The following CDH12 variants were observed in gnomAD, a reference collection of about 807,000 sequenced individuals.
The protein encoded by CDH12 is cadherin 12, also known as cadherin-12.
Under a neutral mutation model 74.1 loss-of-function variants are expected in CDH12, and 41 were observed. The observed-to-expected ratio is 0.55, with a 90% CI of 0.43 to 0.72. The LOEUF (loss-of-function observed/expected upper bound fraction) is 0.72, where lower values mean the gene tolerates loss of function less well. Among genes scored for constraint, CDH12 ranks in the 30% least tolerant of loss-of-function variants. The pLI is 0.00. For synonymous variants in CDH12, 399 were observed against 355.0 expected, an observed-to-expected ratio of 1.12 and a Z score of -1.39; for missense variants, 945 against 977.2, an observed-to-expected ratio of 0.97 and a Z score of 0.44.
At chr5:22,667,712 T>G (rs1202910825) in intron 1 of CDH12, among the ~76,000 whole-genome samples, 1 of 152,238 alleles carries the variant, frequency 6.6e-6, no homozygotes, top group African/African-American at 2.4e-5. Context: ...CCCTCCAGTG[T>G]AATGGTTAAA....
intron 3 of CDH12, among the ~76,000 whole-genome samples, chr5:22,306,634 G>A (rs2150424123): frequency 6.6e-6 from 1 of 152,128 alleles, no homozygotes; most frequent in African/African-American, 2.4e-5. Context: ...CACACACTTT[G>A]TGCTCAATAA....
At chr5:22,649,228 A>G (rs960734360) in intron 1 of CDH12, among the ~76,000 whole-genome samples, 2 of 151,986 alleles carry the variant, frequency 1.3e-5, no homozygotes, top group African/African-American at 4.8e-5. Context: ...TTGTGAATAC[A>G]ATATTTCCAT....
intron 4 of CDH12, among the ~76,000 whole-genome samples, chr5:22,180,757 T>C (rs577854770): frequency 1.8e-4 from 27 of 152,164 alleles, no homozygotes; most frequent in South Asian, 1.2e-3. Context: ...TGTCTCAGCC[T>C]CCCAAAGTGC....
chr5:22,402,510 T>A (rs533806626), intron 3 of CDH12, among the ~76,000 whole-genome samples: 7 of 152,324 alleles, frequency 4.6e-5, no homozygotes, highest in African/African-American at 1.4e-4. Flanking sequence ...CTTGAATATA[T>A]AACTGAGAAA....
intron 1 of CDH12, among the ~76,000 whole-genome samples, chr5:22,637,294 T>G (rs1249953946): frequency 6.6e-6 from 1 of 152,218 alleles, no homozygotes; most frequent in African/African-American, 2.4e-5. Flanking sequence ...TCAGCTTTTC[T>G]GTAAAGTTAT....
At chr5:21,932,340 A>C (rs1186781101) in intron 6 of CDH12, among the ~76,000 whole-genome samples, 1 of 152,212 alleles carries the variant, frequency 6.6e-6, no homozygotes, top group Non-Finnish European at 1.5e-5. Flanking sequence ...ATGAAATAAG[A>C]ATTAATTTTC....
chr5:22,221,995 T>TCCCAAACTCCAATATGTGTTC (rs1224004110), intron 3 of CDH12, among the ~76,000 whole-genome samples: 1 of 151,950 alleles, frequency 6.6e-6, no homozygotes, highest in Non-Finnish European at 1.5e-5. Context: ...CCTGACTTCT[T>TCCCAAACTCCAATATGTGTTC]CCCAAACTCC....
chr5:21,936,969 T>C (rs1755101550), intron 6 of CDH12, among the ~76,000 whole-genome samples: 1 of 152,244 alleles, frequency 6.6e-6, no homozygotes, highest in Non-Finnish European at 1.5e-5. Context: ...AAGCCTCTTT[T>C]GTTTATAAAT....
At chr5:21,966,857 C>T (rs538414259) in intron 6 of CDH12, among the ~76,000 whole-genome samples, 1 of 152,210 alleles carries the variant, frequency 6.6e-6, no homozygotes, top group East Asian at 1.9e-4. Flanking sequence ...TATGTAATAG[C>T]ATACTCTTCA....
intron 2 of CDH12, among the ~76,000 whole-genome samples, chr5:22,483,765 A>ATATATATATATATAT (rs1365052831): frequency 4.5e-5 from 1 of 22,134 alleles, no homozygotes. Flanking sequence ...TATATATATA[A>ATATATATATATATAT]ATTTAATTAA....
chr5:21,812,805 G>T (rs1302081470), intron 9 of CDH12, among the ~76,000 whole-genome samples: 1 of 152,136 alleles, frequency 6.6e-6, no homozygotes, highest in South Asian at 2.1e-4. Context: ...AGATTCAATA[G>T]ATGTAGGGTG....
At chr5:22,427,901 G>A (rs1050226176) in intron 2 of CDH12, among the ~76,000 whole-genome samples, 1 of 152,110 alleles carries the variant, frequency 6.6e-6, no homozygotes, top group Non-Finnish European at 1.5e-5. Context: ...AAGTCATTTT[G>A]TGAAATATCA....
At chr5:22,287,195 T>TA (rs1737177796) in intron 3 of CDH12, among the ~76,000 whole-genome samples, 1 of 152,210 alleles carries the variant, frequency 6.6e-6, no homozygotes, top group African/African-American at 2.4e-5. Context: ...GTTATGCTGC[T>TA]AATGCTTTGT....
chr5:21,963,108 T>C (rs1453668345), intron 6 of CDH12, among the ~76,000 whole-genome samples: 3 of 151,204 alleles, frequency 2.0e-5, no homozygotes, highest in East Asian at 1.9e-4. Flanking sequence ...GATAGATAGA[T>C]AGATAGATAG....
chr5:22,675,413 C>T (rs1161499973), intron 1 of CDH12, among the ~76,000 whole-genome samples: 1 of 152,126 alleles, frequency 6.6e-6, no homozygotes, highest in Non-Finnish European at 1.5e-5. Flanking sequence ...TATGGAAATG[C>T]CTGAATGCCC....
chr5:21,881,595 T>C (rs182105025), intron 6 of CDH12, among the ~76,000 whole-genome samples: 93 of 151,984 alleles, frequency 6.1e-4, no homozygotes, highest in African/African-American at 2.1e-3. Flanking sequence ...ATTTTTTCCA[T>C]TTTTTTTAAA....
rs555973234 is a variant in CDH12 at position 22,237,003 on chromosome 5, TA to T, written c.-332-24361del. Among the ~76,000 whole-genome samples the T allele has an allele frequency of 1.7e-4, 26 of 151,946 alleles. No homozygotes were observed. In the East Asian group the frequency reaches 5.0e-3, roughly 29 times the overall value. On this transcript the variant is annotated intron_variant, in intron 3 of 14. Coordinates refer to ENST00000382254, the MANE Select transcript of CDH12 (RefSeq NM_004061.5). ...GAAGGAATACATGCTAAAATAACAATAAAAAGTATAGTATAGTAAATATATA... is the reference window on the plus strand; with the variant it reads ...GAAGGAATACATGCTAAAATAACAATAAAAGTATAGTATAGTAAATATATA...
At chr5:22,763,743 G>A (rs1746352418) in intron 1 of CDH12, among the ~76,000 whole-genome samples, 1 of 151,806 alleles carries the variant, frequency 6.6e-6, no homozygotes, top group Admixed American at 6.6e-5. Flanking sequence ...TTTAAATAAA[G>A]TTTGATCATC....
At chr5:22,102,637 G>A (rs1744200295) in intron 4 of CDH12, among the ~76,000 whole-genome samples, 1 of 151,718 alleles carries the variant, frequency 6.6e-6, no homozygotes, top group Admixed American at 6.6e-5. Flanking sequence ...ATTCCAGCCT[G>A]GGGGACAGAG....
Sources: allele counts gnomAD v4.1 joint callset (sites outside exome capture counted in the v4.1 genomes callset), GRCh38; gene constraint gnomAD v4.1.1; transcripts MANE v1.5; gene names NCBI Gene and HGNC (gene_info 2026-07-23, HGNC 2026-07-21).